Variants in DOK6 observed in about 807,000 individuals in gnomAD.
DOK6 encodes the protein docking protein 6.
A neutral mutation model predicts 44.0 loss-of-function variants in DOK6; 22 were observed. The ratio of observed to expected loss-of-function variants is 0.50; its 90% CI spans 0.36 to 0.71. DOK6 has a LOEUF of 0.71. Among genes scored for constraint, DOK6 ranks in the 30% least tolerant of loss-of-function variants. DOK6 has a pLI of 0.00. For synonymous variants in DOK6, 166 were observed against 145.5 expected (o/e 1.14, Z -1.01); for missense variants, 340 against 416.4 (o/e 0.82, Z 1.60).
At chr18:69,802,972 C>T (rs952039765) in intron 7 of DOK6, among the ~76,000 whole-genome samples, 2 of 151,968 alleles carry the variant, frequency 1.3e-5, no homozygotes, top group African/African-American at 4.8e-5. Flanking sequence ...GAAACTATCT[C>T]CTTTAGCTCT....
chr18:69,583,752 C>CAAAAAAAAAAAA (rs36222332), intron 2 of DOK6, among the ~76,000 whole-genome samples: 1 of 143,722 alleles, frequency 7.0e-6, no homozygotes, highest in Admixed American at 6.8e-5. Flanking sequence ...TCCATCCATA[C>CAAAAAAAAAAAA]AAAAAAAAAA....
intron 5 of DOK6, among the ~76,000 whole-genome samples, chr18:69,708,552 C>T (rs760355375): frequency 1.3e-5 from 2 of 151,940 alleles, no homozygotes; most frequent in Non-Finnish European, 2.9e-5. Context: ...TTTGGGAGGC[C>T]GAGGCAGGGG....
chr18:69,441,396 C>T (rs910839976), intron 1 of DOK6, among the ~76,000 whole-genome samples: 1 of 152,040 alleles, frequency 6.6e-6, no homozygotes, highest in African/African-American at 2.4e-5. Context: ...CTTTCTGAAA[C>T]ATTTTTGCAA....
chr18:69,826,401 A>C (rs1363780038), intron 7 of DOK6, among the ~76,000 whole-genome samples: 1 of 152,210 alleles, frequency 6.6e-6, no homozygotes, highest in Non-Finnish European at 1.5e-5. Flanking sequence ...TAATATGAAA[A>C]ATAATTCATA....
rs150193925 is a variant in DOK6 at position 69,730,355 on chromosome 18, G to T, written c.600-8610G>T. 5.2e-3 allele frequency among the ~76,000 whole-genome samples: 789 copies of T among 152,302 alleles called. 4 individuals are homozygous for T. Among genetic ancestry groups the T allele is most frequent in the African/African-American group, 0.017 (706 of 41,564 alleles). ...TAAAAATAAAGATAATGAGATATTA[G>T]AAGTACTATAATACAGATTTATACT... On this transcript the variant is annotated intron_variant, in intron 5 of 7. Coordinates refer to ENST00000382713, the MANE Select transcript of DOK6 (RefSeq NM_152721.6).
At chr18:69,568,004 C>T (rs1212090212) in intron 2 of DOK6, among the ~76,000 whole-genome samples, 1 of 152,248 alleles carries the variant, frequency 6.6e-6, no homozygotes, top group African/African-American at 2.4e-5. Context: ...CACTCTCTCC[C>T]TCTCAGCCCA....
At chr18:69,627,036 C>T (rs1174129855) in intron 3 of DOK6, among the ~76,000 whole-genome samples, 1 of 152,144 alleles carries the variant, frequency 6.6e-6, no homozygotes, top group African/African-American at 2.4e-5. Flanking sequence ...AAGACTCTTG[C>T]TGGCCTTATA....
intron 7 of DOK6, among the ~76,000 whole-genome samples, chr18:69,808,272 A>T (rs1365215647): frequency 1.3e-5 from 2 of 151,848 alleles, no homozygotes; most frequent in Non-Finnish European, 3.0e-5. Flanking sequence ...ACCAAAATTT[A>T]TGAGGGCCAG....
chr18:69,811,550 A>AAACAC (rs1981231385), intron 7 of DOK6, among the ~76,000 whole-genome samples: 3 of 18,194 alleles, frequency 1.6e-4, no homozygotes, highest in Non-Finnish European at 2.1e-4. Flanking sequence ...ATATATATAT[A>AAACAC]TATATATATA....
At chr18:69,590,313 G>A (rs552494194) in intron 2 of DOK6, among the ~76,000 whole-genome samples, 5 of 152,242 alleles carry the variant, frequency 3.3e-5, no homozygotes, top group South Asian at 2.1e-4. Flanking sequence ...AAATTGCCAA[G>A]TTCTAGAGAA....
intron 5 of DOK6, among the ~76,000 whole-genome samples, chr18:69,706,913 T>G (rs2144711419): frequency 6.6e-6 from 1 of 152,130 alleles, no homozygotes; most frequent in East Asian, 1.9e-4. Context: ...ATGTGCCACA[T>G]TTTCTTAATC....
At chr18:69,408,384 T>C (rs1978292944) in intron 1 of DOK6, among the ~76,000 whole-genome samples, 1 of 151,784 alleles carries the variant, frequency 6.6e-6, no homozygotes, top group Non-Finnish European at 1.5e-5. Flanking sequence ...CCACACTGAA[T>C]TGACACAATT....
chr18:69,652,554 A>G (rs977430563), intron 3 of DOK6, among the ~76,000 whole-genome samples: 6 of 152,184 alleles, frequency 3.9e-5, no homozygotes, highest in African/African-American at 1.4e-4. Context: ...GGGCAGCATC[A>G]GGAGAACTCT....
intron 2 of DOK6, among the ~76,000 whole-genome samples, chr18:69,584,301 G>A (rs1369257877): frequency 1.3e-5 from 2 of 149,982 alleles, no homozygotes; most frequent in African/African-American, 4.9e-5. Flanking sequence ...TTGTTTTTTC[G>A]TATGAGATAG....
At chr18:69,603,757 C>G (rs1426637925) in intron 3 of DOK6, among the ~76,000 whole-genome samples, 2 of 109,996 alleles carry the variant, frequency 1.8e-5, no homozygotes. Context: ...GGCGACAGAG[C>G]GAGACTCCGT....
chr18:69,539,008 G>C (rs566807184), intron 1 of DOK6, among the ~76,000 whole-genome samples: 3 of 152,108 alleles, frequency 2.0e-5, no homozygotes, highest in Non-Finnish European at 2.9e-5. Flanking sequence ...AGAGTGCTTG[G>C]ATATGCTCTT....
chr18:69,586,015 T>C, intron 2 of DOK6, among the ~76,000 whole-genome samples: 1 of 152,206 alleles, frequency 6.6e-6, no homozygotes, highest in South Asian at 2.1e-4. Flanking sequence ...TCTCTCTATA[T>C]TTTCTGTCTT....
chr18:69,633,776 G>A (rs1468553767), intron 3 of DOK6, among the ~76,000 whole-genome samples: 2 of 152,090 alleles, frequency 1.3e-5, no homozygotes, highest in Non-Finnish European at 2.9e-5. Flanking sequence ...ATGCTTAGTG[G>A]AGACAATAAG....
At chr18:69,535,206 C>T (rs1982089828) in intron 1 of DOK6, among the ~76,000 whole-genome samples, 1 of 152,002 alleles carries the variant, frequency 6.6e-6, no homozygotes. Flanking sequence ...TTCCTTAGAT[C>T]TTTCAAAAAA....
Sources: allele counts gnomAD v4.1 joint callset (sites outside exome capture counted in the v4.1 genomes callset), GRCh38; gene constraint gnomAD v4.1.1; transcripts MANE v1.5; gene names NCBI Gene and HGNC (gene_info 2026-07-23, HGNC 2026-07-21).